MGAT4C: variants seen among roughly 807,000 people sequenced by gnomAD.
MGAT4C encodes the protein MGAT4 family member C.
A neutral mutation model predicts 40.1 loss-of-function variants in MGAT4C; 19 were observed. The observed-to-expected ratio is 0.47, with a 90% CI of 0.33 to 0.70. MGAT4C has a LOEUF of 0.70. MGAT4C is among the 30% of genes least tolerant of loss of function. The probability of loss-of-function intolerance (pLI) is 0.02; values close to 1 mark genes in which losing one functional copy is unlikely to be tolerated. For missense variants in MGAT4C, 491 were observed against 563.2 expected (o/e 0.87, Z 1.30); for synonymous variants, 181 against 187.1 (o/e 0.97, Z 0.27).
At chr12:86,418,618 A>G (rs1189025050) in intron 3 of MGAT4C, among the ~76,000 whole-genome samples, 3 of 151,664 alleles carry the variant, frequency 2.0e-5, no homozygotes, top group Non-Finnish European at 4.4e-5. Context: ...ATAAATAAAT[A>G]AATAAATAAA....
chr12:86,158,332 C>A (rs1885208076), intron 1 of MGAT4C, among the ~76,000 whole-genome samples: 1 of 152,048 alleles, frequency 6.6e-6, no homozygotes, highest in South Asian at 2.1e-4. Flanking sequence ...CCATTTTTTA[C>A]CTTTTAGAGA....
At chr12:86,271,082 A>G (rs1489110555) in intron 4 of MGAT4C, among the ~76,000 whole-genome samples, 1 of 152,230 alleles carries the variant, frequency 6.6e-6, no homozygotes, top group African/African-American at 2.4e-5. Context: ...AAATCTAGGA[A>G]AAAGTATTTT....
intron 2 of MGAT4C, among the ~76,000 whole-genome samples, chr12:86,028,549 T>C (rs901075862): frequency 1.3e-5 from 2 of 152,106 alleles, no homozygotes; most frequent in Non-Finnish European, 1.5e-5. Context: ...GGCCCAGGTG[T>C]ACCTCAGAAA....
Position 86,307,126 on chromosome 12 carries a change from G to A in MGAT4C, c.-57+26939C>T, listed in dbSNP as rs989681778. Among the ~76,000 whole-genome samples the A allele has an allele frequency of 5.3e-5, 8 of 150,266 alleles. 1 individual carries two copies. The highest frequency in any genetic ancestry group is 1.0e-4 in the Non-Finnish European group (7 of 67,948). On this transcript the variant is annotated intron_variant, in intron 4 of 7. Transcript: ENST00000548651. ...ATTCATGATAATTCTTTAAAATAGA[G>A]ATACTCTTTGAATTCAAAACAGGTA...
At position 86,431,182 on chromosome 12, in the gene MGAT4C, G is replaced by C. The variant is rs1957031023; in HGVS notation, c.-120+3975C>G. Among the ~76,000 whole-genome samples, 4 of 152,154 alleles carry C rather than the reference G, an allele frequency of 2.6e-5. No individual in the cohort carries two copies. In the South Asian group the frequency reaches 8.3e-4, roughly 32 times the overall value. On this transcript the variant is annotated intron_variant, in intron 3 of 7. Transcript: ENST00000548651. The stretch of plus-strand genomic sequence containing the variant: ...CAAAGACACCTAGCTCTGTACTGCA[G>C]GTTGGCAATGAGGTTGACTGGTATC...
chr12:86,199,117 A>ACTGCTACTG (rs982493844), intron 1 of MGAT4C, among the ~76,000 whole-genome samples: 3 of 152,166 alleles, frequency 2.0e-5, no homozygotes, highest in Non-Finnish European at 2.9e-5. Flanking sequence ...TGTTGCTGCT[A>ACTGCTACTG]CTGCTACTGC....
chr12:86,566,259 G>T (rs1339986054), intron 2 of MGAT4C, among the ~76,000 whole-genome samples: 1 of 151,806 alleles, frequency 6.6e-6, no homozygotes, highest in African/African-American at 2.4e-5. Flanking sequence ...GGCTGGGAAA[G>T]GGAGACCCAC....
intron 2 of MGAT4C, among the ~76,000 whole-genome samples, chr12:86,436,132 C>T (rs562871230): frequency 6.6e-6 from 1 of 151,904 alleles, no homozygotes; most frequent in Non-Finnish European, 1.5e-5. Context: ...CCAGCAGTAC[C>T]ACTACGAAAA....
intron 2 of MGAT4C, among the ~76,000 whole-genome samples, chr12:86,476,129 T>C (rs1030721857): frequency 3.3e-5 from 5 of 152,124 alleles, no homozygotes; most frequent in Admixed American, 6.6e-5. Context: ...TACAATATGA[T>C]GCAATATTCT....
rs552326406 is a variant in MGAT4C at position 86,553,700 on chromosome 12, C to G, written c.-228-118435G>C. On this transcript the variant is annotated intron_variant, in intron 2 of 7. Coordinates refer to the MGAT4C transcript ENST00000548651. ...ACACGTTTTTTCTCTTCCCATATAG[C>G]ACAAAGACTTTAAGAATACAGTGAC... Among the ~76,000 whole-genome samples, 6 of 152,200 alleles carry G rather than the reference C, an allele frequency of 3.9e-5. No individual in the cohort carries two copies. The South Asian group carries it at 1.2e-3, about 32-fold the overall frequency.
chr12:86,620,315 C>T (rs1962595019), intron 2 of MGAT4C, among the ~76,000 whole-genome samples: 1 of 151,844 alleles, frequency 6.6e-6, no homozygotes, highest in African/African-American at 2.4e-5. Context: ...ACCTAAGTGT[C>T]CATCAGTCGA....
At chr12:86,401,064 T>A (rs962084501) in intron 3 of MGAT4C, among the ~76,000 whole-genome samples, 1 of 152,130 alleles carries the variant, frequency 6.6e-6, no homozygotes, top group Non-Finnish European at 1.5e-5. Flanking sequence ...TGGCTGTTTT[T>A]AAAAAATAAT....
intron 4 of MGAT4C, among the ~76,000 whole-genome samples, chr12:86,275,592 T>C (rs1953057723): frequency 6.6e-6 from 1 of 152,108 alleles, no homozygotes; most frequent in Non-Finnish European, 1.5e-5. Flanking sequence ...ATTGATCCAA[T>C]GTAGTGACAA....
intron 1 of MGAT4C, among the ~76,000 whole-genome samples, chr12:86,085,324 T>C (rs1242500110): frequency 6.6e-6 from 1 of 152,108 alleles, no homozygotes; most frequent in East Asian, 1.9e-4. Flanking sequence ...TTTTAGGGTT[T>C]TTATGGTTTT....
chr12:86,710,467 A>C, intron 2 of MGAT4C, among the ~76,000 whole-genome samples: 1 of 152,156 alleles, frequency 6.6e-6, no homozygotes, highest in Non-Finnish European at 1.5e-5. Context: ...GGTTGTAATA[A>C]TTTATTGACT....
At chr12:86,173,870 G>C (rs1247756492) in intron 1 of MGAT4C, among the ~76,000 whole-genome samples, 1 of 151,952 alleles carries the variant, frequency 6.6e-6, no homozygotes, top group African/African-American at 2.4e-5. Flanking sequence ...ATGATCTCTA[G>C]AATTGTATTG....
intron 1 of MGAT4C, among the ~76,000 whole-genome samples, chr12:86,782,469 C>T (rs1951863751): frequency 6.6e-6 from 1 of 152,024 alleles, no homozygotes; most frequent in Non-Finnish European, 1.5e-5. Flanking sequence ...GAGTGAGCCA[C>T]CGCGCCCAGA....
chr12:86,637,587 G>A (rs947071389), intron 2 of MGAT4C, among the ~76,000 whole-genome samples: 2 of 151,720 alleles, frequency 1.3e-5, no homozygotes, highest in Non-Finnish European at 2.9e-5. Flanking sequence ...TTTGACTTAG[G>A]AGGATATTCT....
At chr12:86,408,479 C>CTCTGTATATATATATATA (rs1267344319) in intron 3 of MGAT4C, among the ~76,000 whole-genome samples, 5 of 63,368 alleles carry the variant, frequency 7.9e-5, no homozygotes, top group African/African-American at 3.9e-4. Context: ...CTCTCTCTCT[C>CTCTGTATATATATATATA]TATATATATA....
Sources: gnomAD v4.1 joint callset for allele counts (sites outside exome capture counted in the v4.1 genomes callset) on GRCh38, gnomAD v4.1.1 for gene constraint, MANE v1.5 for transcripts, NCBI Gene and HGNC (gene_info 2026-07-23, HGNC 2026-07-21) for gene names.